The following XRRA1 variants were observed in gnomAD, a reference collection of about 807,000 sequenced individuals.
XRRA1 encodes X-ray radiation resistance associated 1.
In XRRA1, 69 loss-of-function variants were observed where a neutral mutation model predicts 80.2. That is an observed-to-expected ratio of 0.86 (90% CI 0.71 to 1.05). The LOEUF is 1.05. Ranked by LOEUF, XRRA1 falls within the 50% of genes least tolerant of loss-of-function variation. The probability of loss-of-function intolerance (pLI) is 0.00; values close to 1 mark genes in which losing one functional copy is unlikely to be tolerated. For synonymous variants in XRRA1, 348 were observed against 389.9 expected (o/e 0.89, Z 1.27); for missense variants, 967 against 976.4 (o/e 0.99, Z 0.13).
At chr11:74,851,919 G>T in intron 13 of XRRA1, 70 bp downstream of exon 13, 1 of 1,309,070 alleles carries the variant, frequency 7.6e-7, no homozygotes. Flanking sequence ...CATTGATGAG[G>T]TGGGGATGAG....
chr11:74,883,608 A>C (rs1330762026), intron 10 of XRRA1, among the ~76,000 whole-genome samples: 1 of 152,198 alleles, frequency 6.6e-6, no homozygotes, highest in Non-Finnish European at 1.5e-5. Context: ...TCTTGCCTAG[A>C]AGCTATTAAA....
At position 74,842,934 on chromosome 11, in the gene XRRA1, G is replaced by C. The variant is rs2036793600; in HGVS notation, c.*266C>G. On this transcript the variant is annotated 3_prime_UTR_variant, in exon 19 of 19. Transcript: ENST00000684022. ...GTGTGACAATGCTGCTGTGGCCTGG[G>C]TTCCAAGAAAGAATGCATGTGGCAC... 2.2e-6 allele frequency: 1 copy of C among 460,616 alleles called. No homozygotes were observed. The highest frequency in any genetic ancestry group is 3.8e-6 in the Non-Finnish European group (1 of 259,880). The allele number at this position is 460,616 out of a possible 1,614,324, so 28.5% of individuals were successfully genotyped here. A position where few individuals can be genotyped will look rare whatever the true frequency, so the allele number is the denominator to read the frequency against.
chr11:74,879,832 A>T (rs1423697906), intron 10 of XRRA1, among the ~76,000 whole-genome samples: 2 of 151,092 alleles, frequency 1.3e-5, no homozygotes, highest in African/African-American at 4.9e-5. Context: ...ATCATGGTGG[A>T]TAAGCTTTTT....
chr11:74,887,784 C>T (rs148769181), intron 10 of XRRA1, among the ~76,000 whole-genome samples: 4 of 152,160 alleles, frequency 2.6e-5, no homozygotes. Context: ...TATCCCGCAC[C>T]TGGCTTGGAG....
chr11:74,868,900 G>A (rs889414635), intron 10 of XRRA1, among the ~76,000 whole-genome samples: 1 of 152,072 alleles, frequency 6.6e-6, no homozygotes, highest in African/African-American at 2.4e-5. Context: ...TACGATAATT[G>A]TGCAGGACAT....
intron 6 of XRRA1, among the ~76,000 whole-genome samples, chr11:74,929,773 G>A (rs1943085312): frequency 1.3e-5 from 2 of 152,182 alleles, no homozygotes; most frequent in Admixed American, 1.3e-4. Context: ...TGCTTGCATA[G>A]TATTTCCTGA....
At chr11:74,937,396 TC>T (rs1945255759) in intron 3 of XRRA1, among the ~76,000 whole-genome samples, 1 of 152,184 alleles carries the variant, frequency 6.6e-6, no homozygotes, top group Non-Finnish European at 1.5e-5. Flanking sequence ...ATCAAGTATT[TC>T]CTGTTCTGTG....
chr11:74,882,108 A>G (rs2047777500), intron 10 of XRRA1, among the ~76,000 whole-genome samples: 1 of 151,920 alleles, frequency 6.6e-6, no homozygotes, highest in Admixed American at 6.6e-5. Context: ...AGTGTTTTCC[A>G]ACTTGGTTCC....
intron 12 of XRRA1, among the ~76,000 whole-genome samples, chr11:74,852,331 A>T (rs1458549458): frequency 6.6e-6 from 1 of 152,206 alleles, no homozygotes; most frequent in East Asian, 1.9e-4. Context: ...TTAAGAGCTA[A>T]GAGTTTTTCC....
At chr11:74,855,058 A>AG (rs2040758152) in intron 12 of XRRA1, among the ~76,000 whole-genome samples, 3 of 152,148 alleles carry the variant, frequency 2.0e-5, no homozygotes, top group Admixed American at 2.0e-4. Flanking sequence ...TCAAAAAAAA[A>AG]GAAAAAAGAA....
At chr11:74,880,133 C>G (rs2047153788) in intron 10 of XRRA1, among the ~76,000 whole-genome samples, 1 of 152,128 alleles carries the variant, frequency 6.6e-6, no homozygotes, top group South Asian at 2.1e-4. Flanking sequence ...ATTATTGCCA[C>G]AATTTCAGCT....
At chr11:74,847,997 T>C (rs1173620546) in intron 15 of XRRA1, 118 bp downstream of exon 15, 2 of 931,602 alleles carry the variant, frequency 2.1e-6, no homozygotes, top group African/African-American at 1.7e-5. Context: ...TGACTTCTTG[T>C]TTCCAGACCT....
At position 74,852,231 on chromosome 11, in the gene XRRA1, T is replaced by C. The variant is rs528413832; in HGVS notation, c.1171-149A>G. 1.1e-5 allele frequency: 7 copies of C among 652,362 alleles called. No individual in the cohort carries two copies. The East Asian group carries it at 1.9e-4, about 18-fold the overall frequency. 40.4% of individuals were successfully genotyped at this position (652,362 alleles called of 1,614,324 possible). A position where few individuals can be genotyped will look rare whatever the true frequency, so the allele number is the denominator to read the frequency against. The stretch of plus-strand genomic sequence containing the variant: ...TGCTGCTGTGGATGGGACTCACTGC[T>C]GGGTGATGCCTTGACCCTGTAATAA... On this transcript the variant is annotated intron_variant, in intron 12 of 18. Transcript: ENST00000684022.
At position 74,865,277 on chromosome 11, in the gene XRRA1, A is replaced by T. The variant is rs530875266; in HGVS notation, c.1004-2256T>A. Among the ~76,000 whole-genome samples, 4 of 152,284 alleles carry T rather than the reference A, an allele frequency of 2.6e-5. No individual in the cohort carries two copies. The East Asian group carries it at 7.7e-4, about 29-fold the overall frequency. On this transcript the variant is annotated intron_variant, in intron 10 of 18. Transcript: ENST00000684022. ...GGCTCTCCAGCCTCTACCTCACAGC[A>T]GATCCTGTGTGGGCCCAGTCTGCGA... is the stretch of plus-strand genomic sequence containing the variant.
At chr11:74,895,902 A>G (rs1421288556) in intron 10 of XRRA1, among the ~76,000 whole-genome samples, 3 of 152,164 alleles carry the variant, frequency 2.0e-5, no homozygotes, top group African/African-American at 7.2e-5. Context: ...CCCTGACAAC[A>G]TTTCTAAACA....
At chr11:74,902,047 A>C (rs1302711914) in intron 10 of XRRA1, among the ~76,000 whole-genome samples, 2 of 152,244 alleles carry the variant, frequency 1.3e-5, no homozygotes, top group African/African-American at 4.8e-5. Flanking sequence ...AGAATATATA[A>C]GGAGCTCAAA....
At chr11:74,848,821 C>T (rs368644019) in intron 14 of XRRA1, among the ~76,000 whole-genome samples, 13 of 152,208 alleles carry the variant, frequency 8.5e-5, no homozygotes, top group East Asian at 1.9e-4. Flanking sequence ...CCTGACCATA[C>T]GTACTCTGGC....
intron 10 of XRRA1, among the ~76,000 whole-genome samples, chr11:74,878,896 G>GACT (rs2046760894): frequency 6.6e-6 from 1 of 151,826 alleles, no homozygotes. Context: ...GTCAGGTAGT[G>GACT]TGATGCCTCC....
intron 10 of XRRA1, among the ~76,000 whole-genome samples, chr11:74,878,513 G>C (rs1424149547): frequency 2.6e-5 from 4 of 152,244 alleles, no homozygotes; most frequent in African/African-American, 9.6e-5. Flanking sequence ...ATTGCTTTTG[G>C]TGTTTTAGAC....
Sources: allele counts gnomAD v4.1 joint callset (sites outside exome capture counted in the v4.1 genomes callset), GRCh38; gene constraint gnomAD v4.1.1; transcripts MANE v1.5; gene names NCBI Gene and HGNC (gene_info 2026-07-23, HGNC 2026-07-21).